Variants in TFEC observed in about 807,000 individuals in gnomAD.
TFEC encodes the protein class E basic helix-loop-helix protein 34.
A neutral mutation model predicts 41.6 loss-of-function variants in TFEC; 31 were observed. The observed-to-expected ratio is 0.74, with a 90% confidence interval of 0.56 to 1.01. The LOEUF is 1.01. Ranked by LOEUF, TFEC falls within the 50% of genes least tolerant of loss-of-function variation. TFEC has a pLI of 0.00. For synonymous variants in TFEC, 143 were observed against 140.6 expected, an observed-to-expected ratio of 1.02 and a Z score of -0.12; for missense variants, 402 against 404.1, an observed-to-expected ratio of 0.99 and a Z score of 0.04.
chr7:115,980,769 C>CA (rs140528199), intron 2 of TFEC, among the ~76,000 whole-genome samples: 28,603 of 147,896 alleles, frequency 0.19, 3,125 homozygotes, highest in East Asian at 0.4. Flanking sequence ...CAAAACAAAA[C>CA]AAAAAAAACA....
intron 1 of TFEC, among the ~76,000 whole-genome samples, chr7:116,005,784 G>A (rs1049254614): frequency 1.3e-5 from 2 of 152,218 alleles, no homozygotes; most frequent in Non-Finnish European, 2.9e-5. Context: ...GACCTTGGAA[G>A]CAGCCTCTAC....
At chr7:115,942,954 G>C (rs924403614) in intron 6 of TFEC, among the ~76,000 whole-genome samples, 1 of 151,966 alleles carries the variant, frequency 6.6e-6, no homozygotes, top group East Asian at 1.9e-4. Context: ...TTAGAGTCAC[G>C]AGATGTTTTT....
intron 1 of TFEC, among the ~76,000 whole-genome samples, chr7:116,121,967 A>G (rs1300110909): frequency 2.0e-5 from 3 of 152,070 alleles, no homozygotes; most frequent in African/African-American, 7.2e-5. Context: ...TGAATTGACA[A>G]CCTAATTTTC....
At chr7:115,963,791 G>C (rs923311276) in intron 3 of TFEC, among the ~76,000 whole-genome samples, 1 of 151,668 alleles carries the variant, frequency 6.6e-6, no homozygotes, top group Non-Finnish European at 1.5e-5. Flanking sequence ...TGTTTAATGA[G>C]TACAGAGTTT....
Position 115,944,013 on chromosome 7 carries a change from A to ATT in TFEC, c.516-1975_516-1974dup, listed in dbSNP as rs1160114562. On this transcript the variant is annotated intron_variant, in intron 6 of 7. Transcript: ENST00000265440. ...GAAAATAATACTATGACAGGTCTGA[A>ATT]TTTTTTTTTTTTTTTTTTTTTTTTT... 3.3e-3 allele frequency among the ~76,000 whole-genome samples: 76 copies of ATT among 22,836 alleles called. 9 individuals carry two copies. The highest frequency in any genetic ancestry group is 8.7e-3 in the African/African-American group (70 of 8,040). The allele number at this position is 22,836 out of a possible 152,430, so 15.0% of individuals were successfully genotyped here.
chr7:116,129,936 A>G (rs1250485584), intron 1 of TFEC, among the ~76,000 whole-genome samples: 1 of 151,754 alleles, frequency 6.6e-6, no homozygotes, highest in East Asian at 1.9e-4. Flanking sequence ...TTCTATCACC[A>G]TAAACTTCCA....
intron 1 of TFEC, among the ~76,000 whole-genome samples, chr7:116,151,757 T>C (rs892377778): frequency 1.4e-4 from 22 of 152,186 alleles, no homozygotes; most frequent in Admixed American, 2.6e-4. Flanking sequence ...AAATAATGCA[T>C]GGACATATCT....
intron 3 of TFEC, among the ~76,000 whole-genome samples, chr7:116,071,218 A>C (rs550361375): frequency 6.6e-6 from 1 of 151,374 alleles, no homozygotes; most frequent in African/African-American, 2.4e-5. Context: ...TGACACAAAA[A>C]TAATATTAAA....
chr7:115,967,412 C>T (rs1792908670), intron 3 of TFEC, among the ~76,000 whole-genome samples: 1 of 151,658 alleles, frequency 6.6e-6, no homozygotes, highest in Admixed American at 6.6e-5. Flanking sequence ...AAGAGGATCA[C>T]TGTAGGAGAG....
chr7:116,111,761 A>G (rs1797860565), intron 2 of TFEC, among the ~76,000 whole-genome samples: 1 of 152,094 alleles, frequency 6.6e-6, no homozygotes, highest in African/African-American at 2.4e-5. Flanking sequence ...ATTAGGTAAG[A>G]CATTATATAA....
At chr7:116,153,029 G>T (rs370508738) in intron 1 of TFEC, among the ~76,000 whole-genome samples, 1 of 152,118 alleles carries the variant, frequency 6.6e-6, no homozygotes, top group Admixed American at 6.6e-5. Flanking sequence ...ATGTTGAGGC[G>T]AGCCACGAAA....
intron 3 of TFEC, among the ~76,000 whole-genome samples, chr7:116,089,676 G>T (rs1797279952): frequency 6.6e-6 from 1 of 152,054 alleles, no homozygotes; most frequent in Non-Finnish European, 1.5e-5. Flanking sequence ...AAATTCAACT[G>T]ATGATTTAGA....
At chr7:116,081,781 A>G (rs768760389) in intron 3 of TFEC, among the ~76,000 whole-genome samples, 2 of 152,096 alleles carry the variant, frequency 1.3e-5, no homozygotes, top group African/African-American at 4.8e-5. Flanking sequence ...CTTTATACTC[A>G]AAGTAATCTT....
In TFEC at chr7:116,108,450, T is replaced by G. The variant is rs963168896; in HGVS notation, c.198+2258A>C. On this transcript the variant is annotated intron_variant, in intron 3 of 8. Coordinates refer to the TFEC transcript ENST00000484212. Reference sequence around the variant, plus strand: ...GGTGCAAGCTTTTCTTTCATCGAATTTATTTATTTCCCATTCCACACTATA... The same window carrying G: ...GGTGCAAGCTTTTCTTTCATCGAATGTATTTATTTCCCATTCCACACTATA... Among the ~76,000 whole-genome samples, 9 of 152,146 alleles carry G rather than the reference T, an allele frequency of 5.9e-5. No homozygotes were observed. In the South Asian group the frequency reaches 1.2e-3, roughly 21 times the overall value.
At chr7:116,003,503 A>G (rs1385567221) in intron 1 of TFEC, among the ~76,000 whole-genome samples, 9 of 152,152 alleles carry the variant, frequency 5.9e-5, no homozygotes, top group African/African-American at 2.2e-4. Context: ...AAACACAGGG[A>G]ACGGCAAGGA....
chr7:115,993,994 G>A (rs186268146), intron 1 of TFEC, among the ~76,000 whole-genome samples: 1 of 152,258 alleles, frequency 6.6e-6, no homozygotes, highest in East Asian at 1.9e-4. Context: ...CATGGTACTG[G>A]TACCAAAACA....
intron 1 of TFEC, among the ~76,000 whole-genome samples, chr7:116,144,026 T>C (rs1274356746): frequency 1.3e-5 from 2 of 152,136 alleles, no homozygotes; most frequent in African/African-American, 4.8e-5. Context: ...GAGACCATCC[T>C]GGCCAACATG....
chr7:116,042,011 T>C (rs1318241143), intron 3 of TFEC, among the ~76,000 whole-genome samples: 5 of 151,592 alleles, frequency 3.3e-5, no homozygotes, highest in African/African-American at 9.7e-5. Context: ...AAAACACAAG[T>C]GTGACAGGGA....
chr7:116,129,507 T>C (rs1798285729), intron 1 of TFEC, among the ~76,000 whole-genome samples: 1 of 151,432 alleles, frequency 6.6e-6, no homozygotes, highest in African/African-American at 2.4e-5. Flanking sequence ...ACCAAGAAAA[T>C]AGTAAAGGAG....
Sources: gnomAD v4.1 joint callset for allele counts (sites outside exome capture counted in the v4.1 genomes callset) on GRCh38, gnomAD v4.1.1 for gene constraint, MANE v1.5 for transcripts, NCBI Gene and HGNC (gene_info 2026-07-23, HGNC 2026-07-21) for gene names.